The following GPR39 variants were observed in gnomAD, a reference collection of about 807,000 sequenced individuals.
The protein encoded by GPR39 is zinc sensing receptor.
GPR39 carries 23 observed loss-of-function variants against 18.4 expected under a neutral mutation model. The observed-to-expected ratio is 1.25, with a 90% CI of 0.90 to 1.77. The LOEUF (loss-of-function observed/expected upper bound fraction) is 1.77. GPR39 is among the 40% of genes most tolerant of loss of function. GPR39 has a pLI of 0.00. For missense variants in GPR39, 647 were observed against 602.4 expected, an observed-to-expected ratio of 1.07 and a Z score of -0.78; for synonymous variants, 280 against 257.9, an observed-to-expected ratio of 1.09 and a Z score of -0.82.
intron 1 of GPR39, among the ~76,000 whole-genome samples, chr2:132,444,016 A>G (rs1409392407): frequency 6.6e-6 from 1 of 152,162 alleles, no homozygotes; most frequent in Non-Finnish European, 1.5e-5. Context: ...TGGAGGTTGC[A>G]GTGAGCCATG....
intron 1 of GPR39, among the ~76,000 whole-genome samples, chr2:132,434,708 A>T (rs917395224): frequency 6.6e-6 from 1 of 152,248 alleles, no homozygotes; most frequent in Non-Finnish European, 1.5e-5. Context: ...AGAAAAAGTC[A>T]TGAAAGCCAC....
At chr2:132,493,075 A>ACATACATAC (rs1681533919) in intron 1 of GPR39, among the ~76,000 whole-genome samples, 1 of 135,324 alleles carries the variant, frequency 7.4e-6, no homozygotes, top group Admixed American at 7.5e-5. Context: ...TATATATACC[A>ACATACATAC]CATATATACC....
chr2:132,473,630 AG>A (rs1681072406), intron 1 of GPR39, among the ~76,000 whole-genome samples: 1 of 152,162 alleles, frequency 6.6e-6, no homozygotes, highest in East Asian at 1.9e-4. Flanking sequence ...TGCTTCAGGA[AG>A]TATGTTATTT....
chr2:132,546,452 G>C (rs1465728458), intron 1 of GPR39, among the ~76,000 whole-genome samples: 4 of 152,100 alleles, frequency 2.6e-5, no homozygotes, highest in African/African-American at 9.7e-5. Flanking sequence ...GAAGGGGTTG[G>C]GTTAAGACTA....
rs552925760 is a variant in GPR39, at chr2:132,531,664, G to A, written c.857-113437G>A. Among the ~76,000 whole-genome samples, 498 of 152,306 alleles carry A rather than the reference G, an allele frequency of 3.3e-3. 1 individual carries two copies. The highest frequency in any genetic ancestry group is 4.1e-3 in the Non-Finnish European group (282 of 68,038). ...AACAAACTATCTCTCAGACCACAGTGCAATCAAACTAGAACTCAGGATTAA... is the reference window on the plus strand; with the variant it reads ...AACAAACTATCTCTCAGACCACAGTACAATCAAACTAGAACTCAGGATTAA... On this transcript the variant is annotated intron_variant, in intron 1 of 1. Transcript: ENST00000329321.
At chr2:132,596,115 C>T (rs1430298557) in intron 1 of GPR39, among the ~76,000 whole-genome samples, 1 of 152,014 alleles carries the variant, frequency 6.6e-6, no homozygotes, top group Non-Finnish European at 1.5e-5. Flanking sequence ...TGCTAGTGGC[C>T]GATTGCATGC....
chr2:132,593,441 A>G (rs564184260), intron 1 of GPR39, among the ~76,000 whole-genome samples: 1 of 152,316 alleles, frequency 6.6e-6, no homozygotes, highest in South Asian at 2.1e-4. Flanking sequence ...TCATTGGCAT[A>G]CATTATCAGA....
At chr2:132,422,047 T>C (rs1257646549) in intron 1 of GPR39, among the ~76,000 whole-genome samples, 11 of 152,288 alleles carry the variant, frequency 7.2e-5, no homozygotes, top group Admixed American at 6.5e-4. Context: ...CAACTATATA[T>C]TAATTCTTAT....
At chr2:132,582,577 C>G (rs985107004) in intron 1 of GPR39, among the ~76,000 whole-genome samples, 4 of 152,090 alleles carry the variant, frequency 2.6e-5, no homozygotes, top group Non-Finnish European at 5.9e-5. Context: ...GCCACAGAGC[C>G]CAGGGGATTC....
intron 1 of GPR39, among the ~76,000 whole-genome samples, chr2:132,510,519 C>T (rs1274755900): frequency 6.6e-6 from 1 of 152,140 alleles, no homozygotes; most frequent in African/African-American, 2.4e-5. Flanking sequence ...CAGGCTGAAA[C>T]AGAGCCTGGA....
chr2:132,635,362 C>G (rs1395001411), intron 1 of GPR39, among the ~76,000 whole-genome samples: 1 of 152,192 alleles, frequency 6.6e-6, no homozygotes, highest in Non-Finnish European at 1.5e-5. Flanking sequence ...CTAGTTTATA[C>G]TGCAGTGTTA....
intron 1 of GPR39, among the ~76,000 whole-genome samples, chr2:132,457,411 C>T (rs564477290): frequency 3.9e-5 from 6 of 152,244 alleles, no homozygotes; most frequent in Admixed American, 3.3e-4. Context: ...AGCTTCCTTG[C>T]GATGGGTTCG....
chr2:132,481,707 A>G (rs1558811079), intron 1 of GPR39, among the ~76,000 whole-genome samples: 1 of 152,206 alleles, frequency 6.6e-6, no homozygotes. Flanking sequence ...ACATTTTGAG[A>G]CAAGATTTTT....
At chr2:132,528,180 A>T (rs1462116311) in intron 1 of GPR39, among the ~76,000 whole-genome samples, 1 of 152,204 alleles carries the variant, frequency 6.6e-6, no homozygotes, top group African/African-American at 2.4e-5. Flanking sequence ...CACTTATTAA[A>T]TGGGGAATCC....
intron 1 of GPR39, chr2:132,489,049 A>C (rs1000680662): frequency 5.8e-5 from 11 of 189,624 alleles, no homozygotes; most frequent in South Asian, 1.2e-4. Context: ...CTGGAATTCC[A>C]CCAGGGCCTG....
At chr2:132,567,907 C>T (rs77567828) in intron 1 of GPR39, among the ~76,000 whole-genome samples, 1,671 of 152,240 alleles carry the variant, frequency 0.011, 31 homozygotes, top group African/African-American at 0.035. Context: ...CTTCTCTTGT[C>T]TGCCGCTATG....
intron 1 of GPR39, among the ~76,000 whole-genome samples, chr2:132,446,467 T>G (rs1427474099): frequency 6.6e-6 from 1 of 152,214 alleles, no homozygotes; most frequent in African/African-American, 2.4e-5. Context: ...TGAGTTTCTG[T>G]TGTGCACCAG....
chr2:132,603,340 T>C (rs1280348933), intron 1 of GPR39, among the ~76,000 whole-genome samples: 1 of 151,934 alleles, frequency 6.6e-6, no homozygotes, highest in East Asian at 1.9e-4. Context: ...ATCATAGAAG[T>C]AGAGAATGGA....
rs551652184 is a variant in GPR39, at chr2:132,538,585, G to A, written c.857-106516G>A. On this transcript the variant is annotated intron_variant, in intron 1 of 1. Transcript: ENST00000329321. ...GCAGAGCTAATGTGCTGTGCTGGGAGAATCCCCCTTGTCAGGATCAGCTGC... is the reference window on the plus strand; with the variant it reads ...GCAGAGCTAATGTGCTGTGCTGGGAAAATCCCCCTTGTCAGGATCAGCTGC... Among the ~76,000 whole-genome samples, 79 of 152,346 alleles carry A rather than the reference G, an allele frequency of 5.2e-4. 1 individual carries two copies. Among genetic ancestry groups the A allele is most frequent in the African/African-American group, 1.9e-3 (77 of 41,578 alleles).
Sources: gnomAD v4.1 joint callset for allele counts (sites outside exome capture counted in the v4.1 genomes callset) on GRCh38, gnomAD v4.1.1 for gene constraint, MANE v1.5 for transcripts, NCBI Gene and HGNC (gene_info 2026-07-23, HGNC 2026-07-21) for gene names.